CSMD2: variants seen among roughly 807,000 people sequenced by gnomAD.
CSMD2 encodes CUB and Sushi multiple domains 2, also known as CUB and sushi domain-containing protein 2.
In CSMD2, 130 loss-of-function variants were observed where a neutral mutation model predicts 398.5. The observed-to-expected ratio is 0.33, with a 90% CI of 0.28 to 0.38. CSMD2 has a LOEUF of 0.38. CSMD2 is among the 10% of genes least tolerant of loss of function. The pLI, the probability that CSMD2 is intolerant of heterozygous loss-of-function variation, is 1.00. For missense variants in CSMD2, 3,829 were observed against 4,764.9 expected (o/e 0.80, Z 5.78); for synonymous variants, 1,828 against 1,908.5 (o/e 0.96, Z 1.10).
chr1:33,840,609 G>T (rs945286628), intron 6 of CSMD2, among the ~76,000 whole-genome samples: 1 of 152,214 alleles, frequency 6.6e-6, no homozygotes, highest in Non-Finnish European at 1.5e-5. Flanking sequence ...ATGAACGACT[G>T]TTATAAGAAT....
intron 22 of CSMD2, among the ~76,000 whole-genome samples, chr1:33,704,029 C>T (rs956432601): frequency 1.3e-5 from 2 of 152,162 alleles, no homozygotes; most frequent in Non-Finnish European, 2.9e-5. Flanking sequence ...AATCTCCCTG[C>T]ATTTATTTTA....
chr1:33,709,155 G>C lies in CSMD2; in HGVS notation c.3510C>G (p.Thr1170=), dbSNP rs1645902291. The C allele has an allele frequency of 5.0e-6, 8 of 1,614,008 alleles. No individual in the cohort carries two copies. The South Asian group carries it at 8.8e-5, about 18-fold the overall frequency. The change falls in exon 22 of 71, where the codon ACC becomes ACG. Residue 1170 remains threonine, a synonymous_variant. Coordinates refer to ENST00000373381, the MANE Select transcript of CSMD2 (RefSeq NM_001281956.2). ...NNHECIYSIQ[T]QPGKGIQLKA... The stretch of plus-strand genomic sequence containing the variant: ...TCAGCTGAATTCCCTTCCCTGGCTG[G>C]GTCTGGATGGAGTAGATGCATTCAT...
At chr1:33,861,171 C>T (rs995465584) in intron 5 of CSMD2, 5 of 152,174 alleles carry the variant, frequency 3.3e-5, no homozygotes, top group Non-Finnish European at 5.9e-5. Context: ...TGTATGTAAA[C>T]GAGTCATGAT....
chr1:33,586,550 T>C lies in CSMD2; in HGVS notation c.7005A>G (p.Lys2335=). 1 of 1,613,762 alleles carries C rather than the reference T, an allele frequency of 6.2e-7. No homozygotes were observed. The highest frequency in any genetic ancestry group is 8.5e-7 in the Non-Finnish European group (1 of 1,179,788). ...CTTCAAACTGCAGGTAGGTTCCAAG[T>C]TTGCAGGTCAGAATTTCATTCCCCA... The part of the protein sequence containing the change: ...TLVGNEILTC[K]LGTYLQFEGP... Residue 2335 remains lysine, a synonymous_variant, in exon 46 of 71, where the codon AAA becomes AAG. Coordinates refer to ENST00000373381, the MANE Select transcript of CSMD2 (RefSeq NM_001281956.2).
intron 12 of CSMD2, among the ~76,000 whole-genome samples, chr1:33,773,402 T>C (rs916977038): frequency 2.6e-5 from 4 of 152,182 alleles, no homozygotes; most frequent in African/African-American, 7.2e-5. Context: ...AAATGACTCA[T>C]TGAGTATGCT....
At chr1:34,032,098 T>C (rs759519132) in intron 3 of CSMD2, among the ~76,000 whole-genome samples, 2 of 152,160 alleles carry the variant, frequency 1.3e-5, no homozygotes, top group African/African-American at 4.8e-5. Context: ...ATTATTTGCA[T>C]AGCACAAACC....
chr1:33,524,183 A>T (rs1654567922), intron 66 of CSMD2, among the ~76,000 whole-genome samples: 1 of 152,188 alleles, frequency 6.6e-6, no homozygotes, highest in South Asian at 2.1e-4. Flanking sequence ...CACTGGCATA[A>T]TATTTCATCT....
chr1:33,662,227 T>C (rs924388475), intron 26 of CSMD2, among the ~76,000 whole-genome samples: 15 of 152,180 alleles, frequency 9.9e-5, no homozygotes, highest in African/African-American at 3.6e-4. Context: ...ATGACTCATG[T>C]TCACTTCCAG....
intron 1 of CSMD2, among the ~76,000 whole-genome samples, chr1:34,109,416 G>A (rs2148437294): frequency 6.6e-6 from 1 of 152,292 alleles, no homozygotes; most frequent in South Asian, 2.1e-4. Context: ...GACCAGTCTA[G>A]ATGCCAGCAG....
chr1:34,031,765 C>CAAAAAAAA (rs556094322), intron 3 of CSMD2, among the ~76,000 whole-genome samples: 12 of 71,252 alleles, frequency 1.7e-4, no homozygotes, highest in East Asian at 4.1e-4. Flanking sequence ...AAGGCAAAGG[C>CAAAAAAAA]AAAAAAAAAA....
chr1:33,642,726 A>G (rs1207629068), intron 29 of CSMD2, among the ~76,000 whole-genome samples: 1 of 152,166 alleles, frequency 6.6e-6, no homozygotes. Flanking sequence ...TTTTCTCATA[A>G]TCATGTCTCC....
chr1:33,561,084 A>G (rs1658497560), intron 53 of CSMD2, among the ~76,000 whole-genome samples: 1 of 152,170 alleles, frequency 6.6e-6, no homozygotes, highest in African/African-American at 2.4e-5. Context: ...CCAATACTTA[A>G]ATCCATGAGG....
At chr1:33,915,025 A>C (rs1643650923) in intron 5 of CSMD2, among the ~76,000 whole-genome samples, 1 of 152,106 alleles carries the variant, frequency 6.6e-6, no homozygotes, top group African/African-American at 2.4e-5. Flanking sequence ...AAGAGTGTGG[A>C]AACTGAGTCA....
chr1:34,103,824 T>C (rs1660265756), intron 1 of CSMD2, among the ~76,000 whole-genome samples: 1 of 152,176 alleles, frequency 6.6e-6, no homozygotes, highest in Admixed American at 6.5e-5. Context: ...ACCAACTTCA[T>C]TTATCTGTGT....
rs765576965 is a variant in CSMD2 at position 33,633,460 on chromosome 1, T to G, written c.5162A>C (p.His1721Pro). The change falls in exon 32 of 71, where the codon CAC becomes CCC. Residue 1721 changes from histidine (H) to proline (P), a missense_variant. His to Pro is a moderately conservative substitution (Grantham distance 77). This residue lies in a region of CSMD2 where 2,001 missense variants were observed against 2,567.1 expected (regional missense o/e 0.78). Transcript: ENST00000373381. The surrounding 1 kb of genome is among the most constrained non-coding windows in gnomAD (Gnocchi z 5.0). ...CGAGAGGGAGCTGAGGAGCCGCGAG[T>G]GCTGGCTGTGGCCGTCGTGAACCTC... ...VVEVHDGHSQ[H>P]SRLLSSLSGS... 42 of 1,554,198 alleles carry G rather than the reference T, an allele frequency of 2.7e-5. No homozygotes were observed. The South Asian group carries it at 4.9e-4, about 18-fold the overall frequency.
intron 1 of CSMD2, among the ~76,000 whole-genome samples, chr1:34,099,841 G>A (rs1375942380): frequency 6.6e-6 from 1 of 152,184 alleles, no homozygotes; most frequent in Non-Finnish European, 1.5e-5. Flanking sequence ...CTAGTGCCTA[G>A]AATTCAATAA....
intron 13 of CSMD2, among the ~76,000 whole-genome samples, chr1:33,749,092 CTTTTTTTTTTTTTT>C (rs72469561): frequency 2.3e-5 from 2 of 87,792 alleles, no homozygotes; most frequent in Admixed American, 3.0e-4. Context: ...ATACAGACTT[CTTTTTTTTTTTTTT>C]TTTTTTTTTT....
intron 1 of CSMD2, chr1:34,113,067 A>T (rs535131546): frequency 1.3e-5 from 2 of 152,276 alleles, no homozygotes; most frequent in African/African-American, 2.4e-5. Context: ...ATGGATGGGA[A>T]GGTAGGACCC....
At chr1:33,754,379 C>T (rs545287538) in intron 13 of CSMD2, among the ~76,000 whole-genome samples, 1 of 152,306 alleles carries the variant, frequency 6.6e-6, no homozygotes, top group African/African-American at 2.4e-5. Flanking sequence ...CCATGTGATA[C>T]ACTGGCTCTC....
Sources: allele counts gnomAD v4.1 joint callset (sites outside exome capture counted in the v4.1 genomes callset), GRCh38; gene constraint gnomAD v4.1.1; regional missense constraint gnomAD v4.1.1; non-coding constraint Gnocchi (gnomAD v3.1); transcripts MANE v1.5; gene names NCBI Gene and HGNC (gene_info 2026-07-23, HGNC 2026-07-21).